Variants in LUZP2 observed in about 807,000 individuals in gnomAD.
The protein encoded by LUZP2 is leucine zipper protein 2.
A neutral mutation model predicts 51.6 loss-of-function variants in LUZP2; 52 were observed. That is an observed-to-expected ratio of 1.01 (90% confidence interval 0.81 to 1.27). The LOEUF (loss-of-function observed/expected upper bound fraction) is 1.27, where lower values mean the gene tolerates loss of function less well. LUZP2 is among the 50% of genes most tolerant of loss of function. The probability of loss-of-function intolerance (pLI) is 0.00; values close to 1 mark genes in which losing one functional copy is unlikely to be tolerated. For missense variants in LUZP2, 436 were observed against 395.4 expected (o/e 1.10, Z -0.87); for synonymous variants, 154 against 137.3 (o/e 1.12, Z -0.85).
intron 1 of LUZP2, among the ~76,000 whole-genome samples, chr11:24,634,444 A>G (rs1476023652): frequency 6.6e-6 from 1 of 152,052 alleles, no homozygotes. Context: ...TAAAAATTAC[A>G]TATCAGAAGA....
At chr11:24,839,085 TA>T (rs1246571898) in intron 5 of LUZP2, among the ~76,000 whole-genome samples, 1 of 151,660 alleles carries the variant, frequency 6.6e-6, no homozygotes, top group Non-Finnish European at 1.5e-5. Context: ...AATAAAGTTG[TA>T]GGTTGTATAC....
chr11:24,644,942 T>C (rs1038398875), intron 1 of LUZP2, among the ~76,000 whole-genome samples: 1 of 152,214 alleles, frequency 6.6e-6, no homozygotes, highest in Non-Finnish European at 1.5e-5. Context: ...CACGTATTTA[T>C]ATTTACTAGG....
intron 9 of LUZP2, among the ~76,000 whole-genome samples, chr11:25,024,958 A>G (rs112085115): frequency 0.57 from 84,880 of 149,390 alleles, 25,447 homozygotes; most frequent in African/African-American, 0.75. Context: ...ATATAGACCA[A>G]TGGAACAGAA....
At chr11:24,628,233 A>C (rs1854753265) in intron 1 of LUZP2, among the ~76,000 whole-genome samples, 1 of 146,868 alleles carries the variant, frequency 6.8e-6, no homozygotes, top group African/African-American at 2.5e-5. Flanking sequence ...ACACACACAC[A>C]CCTGGGATAC....
intron 5 of LUZP2, among the ~76,000 whole-genome samples, chr11:24,823,109 G>C (rs760385080): frequency 2.0e-5 from 3 of 152,108 alleles, no homozygotes; most frequent in Non-Finnish European, 4.4e-5. Flanking sequence ...AGAATTTCAG[G>C]TGTTGATAAA....
intron 6 of LUZP2, 94 bp downstream of exon 6, chr11:24,906,147 C>A: frequency 2.9e-6 from 2 of 681,698 alleles, no homozygotes; most frequent in South Asian, 4.8e-5. Context: ...AACTCTTTTT[C>A]CTCCTAATAC....
At chr11:24,663,705 C>G (rs761913278) in intron 1 of LUZP2, among the ~76,000 whole-genome samples, 1 of 151,934 alleles carries the variant, frequency 6.6e-6, no homozygotes, top group Non-Finnish European at 1.5e-5. Flanking sequence ...TCCCATAATC[C>G]CCATGCATCC....
At chr11:24,973,225 G>A (rs1471187571) in intron 7 of LUZP2, among the ~76,000 whole-genome samples, 1 of 151,354 alleles carries the variant, frequency 6.6e-6, no homozygotes, top group Non-Finnish European at 1.5e-5. Flanking sequence ...TAGTTTATGT[G>A]CATAGAGGTG....
At chr11:24,649,325 C>T (rs1016826545) in intron 1 of LUZP2, among the ~76,000 whole-genome samples, 12 of 151,864 alleles carry the variant, frequency 7.9e-5, no homozygotes, top group Non-Finnish European at 1.6e-4. Flanking sequence ...AACTATTTCC[C>T]TTGAAGAGGG....
chr11:24,578,152 TTAC>T (rs398055089), intron 1 of LUZP2, among the ~76,000 whole-genome samples: 1 of 104,084 alleles, frequency 9.6e-6, no homozygotes, highest in African/African-American at 2.9e-5. Flanking sequence ...CTTTTTCAGC[TTAC>T]TTTTTAATTT....
At position 24,902,571 on chromosome 11, in the gene LUZP2, G is replaced by C. The variant is rs76416235; in HGVS notation, c.397-3420G>C. Among the ~76,000 whole-genome samples the C allele has an allele frequency of 7.7e-3, 1,171 of 152,212 alleles. 16 individuals carry two copies. Among genetic ancestry groups the C allele is most frequent in the East Asian group, 0.055 (284 of 5,180 alleles). On this transcript the variant is annotated intron_variant, in intron 5 of 11. Transcript: ENST00000336930. ...TGGTGTGGAATGTTTAGCACTGCTT[G>C]CTACTCTATAAACTTGACAGACAGA...
intron 5 of LUZP2, among the ~76,000 whole-genome samples, chr11:24,808,286 A>C (rs1849913469): frequency 6.6e-6 from 1 of 152,124 alleles, no homozygotes; most frequent in Non-Finnish European, 1.5e-5. Flanking sequence ...AATTCTAATA[A>C]AGTTTAACTC....
chr11:24,992,843 A>G (rs1856389234), intron 9 of LUZP2, among the ~76,000 whole-genome samples: 1 of 152,160 alleles, frequency 6.6e-6, no homozygotes, highest in Non-Finnish European at 1.5e-5. Flanking sequence ...TGTGAAGTAA[A>G]GCACAAATTT....
chr11:24,903,751 G>C (rs1853350629), intron 5 of LUZP2, among the ~76,000 whole-genome samples: 2 of 152,174 alleles, frequency 1.3e-5, no homozygotes, highest in African/African-American at 4.8e-5. Flanking sequence ...AGACAGAAAA[G>C]CCTGAGTGCA....
At chr11:24,834,923 C>T (rs558339015) in intron 5 of LUZP2, among the ~76,000 whole-genome samples, 2 of 152,246 alleles carry the variant, frequency 1.3e-5, no homozygotes, top group East Asian at 3.9e-4. Flanking sequence ...TTTCTTTGCC[C>T]ACTTTTTGAT....
chr11:24,670,347 C>G (rs1478979428), intron 1 of LUZP2, among the ~76,000 whole-genome samples: 1 of 152,004 alleles, frequency 6.6e-6, no homozygotes, highest in South Asian at 2.1e-4. Context: ...GTCACAGCCA[C>G]TACAAGTTAA....
intron 7 of LUZP2, among the ~76,000 whole-genome samples, chr11:24,969,351 TA>T (rs1459885400): frequency 6.6e-6 from 1 of 152,206 alleles, no homozygotes; most frequent in East Asian, 1.9e-4. Flanking sequence ...AACTAGAATT[TA>T]AGAAAAAATA....
chr11:24,574,981 G>C (rs913919764), intron 1 of LUZP2, among the ~76,000 whole-genome samples: 2 of 152,122 alleles, frequency 1.3e-5, no homozygotes, highest in Non-Finnish European at 2.9e-5. Flanking sequence ...AATTTGAGGG[G>C]AGAGTTGAGG....
chr11:24,706,586 C>A (rs976113328), intron 1 of LUZP2, among the ~76,000 whole-genome samples: 1 of 152,072 alleles, frequency 6.6e-6, no homozygotes, highest in Non-Finnish European at 1.5e-5. Context: ...GATTAAAGTG[C>A]AGCCTAAACT....
Sources: gnomAD v4.1 joint callset for allele counts (sites outside exome capture counted in the v4.1 genomes callset) on GRCh38, gnomAD v4.1.1 for gene constraint, MANE v1.5 for transcripts, NCBI Gene and HGNC (gene_info 2026-07-23, HGNC 2026-07-21) for gene names.